The following RARB variants were observed in gnomAD, a reference collection of about 807,000 sequenced individuals.
The protein encoded by RARB is retinoic acid receptor beta, also known as HBV-activated protein.
RARB carries 17 observed loss-of-function variants against 51.9 expected under a neutral mutation model. The observed-to-expected ratio is 0.33, with a 90% CI of 0.22 to 0.49. The LOEUF (loss-of-function observed/expected upper bound fraction) is 0.49, where lower values mean the gene tolerates loss of function less well. Among genes scored for constraint, RARB ranks in the 20% least tolerant of loss-of-function variants. The probability of loss-of-function intolerance (pLI) is 0.99; values close to 1 mark genes in which losing one functional copy is unlikely to be tolerated. For missense variants in RARB, 369 were observed against 550.8 expected, an observed-to-expected ratio of 0.67 and a Z score of 3.30; for synonymous variants, 215 against 195.4, an observed-to-expected ratio of 1.10 and a Z score of -0.84.
At chr3:25,211,281 G>GT (rs1701689866) in intron 5 of RARB, among the ~76,000 whole-genome samples, 1 of 152,200 alleles carries the variant, frequency 6.6e-6, no homozygotes, top group Admixed American at 6.5e-5. Context: ...CAGGGTGAGT[G>GT]CTGAGCAGGG....
chr3:25,238,547 T>C (rs1445112976), intron 5 of RARB, among the ~76,000 whole-genome samples: 1 of 152,208 alleles, frequency 6.6e-6, no homozygotes, highest in East Asian at 1.9e-4. Flanking sequence ...CTGGATTGTA[T>C]AGTAGTTGCA....
At position 25,438,248 on chromosome 3, in the gene RARB, G is replaced by T. The variant is rs1575403076; in HGVS notation, c.157+9360G>T. Among the ~76,000 whole-genome samples, 2 of 152,286 alleles carry T rather than the reference G, an allele frequency of 1.3e-5. 1 individual carries two copies. The highest frequency in any genetic ancestry group is 2.9e-5 in the Non-Finnish European group (2 of 68,028). ...AGGAAGGAGGCAGCAGAGGCTCCCA[G>T]TCCTCTTAAAACCTAGACCCAGAGA... On this transcript the variant is annotated intron_variant, in intron 1 of 7. Coordinates refer to ENST00000330688, the MANE Select transcript of RARB (RefSeq NM_000965.5).
intron 3 of RARB, among the ~76,000 whole-genome samples, chr3:25,510,264 C>T (rs897245968): frequency 3.3e-5 from 5 of 152,188 alleles, no homozygotes; most frequent in African/African-American, 9.7e-5. Flanking sequence ...CAATGAAGTT[C>T]TTGCACATAT....
chr3:25,428,058 T>C (rs1167789999), upstream of RARB, among the ~76,000 whole-genome samples: 1 of 152,092 alleles, frequency 6.6e-6, no homozygotes, highest in Non-Finnish European at 1.5e-5. Context: ...AGGTGAGAAA[T>C]AGGAAAGAAA....
intron 5 of RARB, among the ~76,000 whole-genome samples, chr3:25,348,472 G>T (rs139401809): frequency 1.3e-5 from 2 of 151,774 alleles, no homozygotes; most frequent in Non-Finnish European, 2.9e-5. Context: ...GAATCAAGCC[G>T]CTTGGCCATT....
intron 1 of RARB, among the ~76,000 whole-genome samples, chr3:24,856,460 C>G (rs1330191468): frequency 6.6e-6 from 1 of 152,132 alleles, no homozygotes; most frequent in Non-Finnish European, 1.5e-5. Flanking sequence ...TTATCCAAGG[C>G]AAAAGATTCC....
chr3:25,369,079 T>C (rs1187818598), intron 5 of RARB, among the ~76,000 whole-genome samples: 7 of 152,222 alleles, frequency 4.6e-5, no homozygotes, highest in Non-Finnish European at 8.8e-5. Context: ...GTCAAGATCA[T>C]AGTTTCCACT....
At chr3:24,942,047 C>A (rs758848748) in intron 2 of RARB, among the ~76,000 whole-genome samples, 1 of 152,170 alleles carries the variant, frequency 6.6e-6, no homozygotes, top group Non-Finnish European at 1.5e-5. Flanking sequence ...TGAAAGGTTT[C>A]TTAGATATTT....
intron 4 of RARB, among the ~76,000 whole-genome samples, chr3:25,133,166 T>A: frequency 6.6e-6 from 1 of 151,986 alleles, no homozygotes; most frequent in Admixed American, 6.6e-5. Context: ...AGGGGAAGTA[T>A]ACGTGAAATA....
At chr3:24,950,275 C>T (rs1044957429) in intron 2 of RARB, among the ~76,000 whole-genome samples, 3 of 152,154 alleles carry the variant, frequency 2.0e-5, no homozygotes, top group African/African-American at 7.2e-5. Context: ...ACATTACAGC[C>T]ATTTCAAAAT....
intron 3 of RARB, among the ~76,000 whole-genome samples, chr3:25,128,784 GA>G (rs1240703424): frequency 6.6e-6 from 1 of 151,290 alleles, no homozygotes; most frequent in Non-Finnish European, 1.5e-5. Context: ...GTTAATCACT[GA>G]AAAAAAGAAT....
chr3:24,846,380 A>C (rs530952435), intron 1 of RARB, among the ~76,000 whole-genome samples: 1 of 152,236 alleles, frequency 6.6e-6, no homozygotes, highest in Non-Finnish European at 1.5e-5. Flanking sequence ...TTCTTTAAAA[A>C]AATTCCAGGA....
intron 2 of RARB, among the ~76,000 whole-genome samples, chr3:25,012,629 A>T (rs926757155): frequency 6.6e-6 from 1 of 152,110 alleles, no homozygotes; most frequent in Non-Finnish European, 1.5e-5. Context: ...GCATATTTTG[A>T]CTTTCTAATG....
chr3:25,521,009 A>T (rs542325296), intron 3 of RARB, among the ~76,000 whole-genome samples: 1 of 152,216 alleles, frequency 6.6e-6, no homozygotes, highest in African/African-American at 2.4e-5. Context: ...AAATATCAAG[A>T]GTATCAAAAA....
At chr3:25,512,231 C>T (rs1331312372) in intron 3 of RARB, among the ~76,000 whole-genome samples, 1 of 152,210 alleles carries the variant, frequency 6.6e-6, no homozygotes, top group Non-Finnish European at 1.5e-5. Flanking sequence ...TTGGTGTATT[C>T]ATTCATCAGC....
At chr3:25,430,547 C>T (rs1280624844) in intron 1 of RARB, among the ~76,000 whole-genome samples, 2 of 152,140 alleles carry the variant, frequency 1.3e-5, no homozygotes, top group East Asian at 3.9e-4. Context: ...TTGTAATTAA[C>T]CTTCCAAAGA....
chr3:25,539,412 G>A (rs1272434162), intron 3 of RARB, among the ~76,000 whole-genome samples: 1 of 151,778 alleles, frequency 6.6e-6, no homozygotes, highest in Non-Finnish European at 1.5e-5. Context: ...TGTCCCTTCT[G>A]AAACGTCTTC....
At chr3:25,158,387 A>T (rs1246716573) in intron 4 of RARB, among the ~76,000 whole-genome samples, 1 of 152,238 alleles carries the variant, frequency 6.6e-6, no homozygotes, top group Non-Finnish European at 1.5e-5. Context: ...AATCTCTCCC[A>T]TAAATTCAAG....
chr3:25,400,974 C>A (rs1707247613), intron 5 of RARB, among the ~76,000 whole-genome samples: 1 of 152,088 alleles, frequency 6.6e-6, no homozygotes, highest in South Asian at 2.1e-4. Flanking sequence ...GAGGGGTCAA[C>A]CCCTCTGAAA....
Sources: allele counts gnomAD v4.1 joint callset (sites outside exome capture counted in the v4.1 genomes callset), GRCh38; gene constraint gnomAD v4.1.1; transcripts MANE v1.5; gene names NCBI Gene and HGNC (gene_info 2026-07-23, HGNC 2026-07-21).